ATP6V0A2: variants seen among roughly 807,000 people sequenced by gnomAD.
ATP6V0A2 encodes the protein V-type proton ATPase 116 kDa subunit a 2.
In ATP6V0A2, 58 loss-of-function variants were observed where a neutral mutation model predicts 104.4. The observed-to-expected ratio is 0.56, with a 90% confidence interval of 0.45 to 0.69. The LOEUF is 0.69. Among genes scored for constraint, ATP6V0A2 ranks in the 30% least tolerant of loss-of-function variants. ATP6V0A2 has a pLI of 0.00. For missense variants in ATP6V0A2, 938 were observed against 1,062.9 expected (o/e 0.88, Z 1.63); for synonymous variants, 376 against 397.9 (o/e 0.95, Z 0.65).
chr12:123,738,394 C>CAAA (rs1054215012), intron 9 of ATP6V0A2, among the ~76,000 whole-genome samples: 1 of 127,218 alleles, frequency 7.9e-6, no homozygotes, highest in Non-Finnish European at 1.7e-5. Flanking sequence ...AACTTTGTCT[C>CAAA]AAAAAAAAAA....
chr12:123,732,487 C>G (rs1956510617), intron 6 of ATP6V0A2: 1 of 152,690 alleles, frequency 6.5e-6, no homozygotes, highest in South Asian at 2.1e-4. Flanking sequence ...GCCTGTGGCC[C>G]TCGTCATTCC....
intron 17 of ATP6V0A2, 131 bp from the exon 18 acceptor site, chr12:123,754,289 C>T (rs1593920538): frequency 1.3e-6 from 1 of 752,174 alleles, no homozygotes; most frequent in South Asian, 1.5e-5. Context: ...GTTCCTCACA[C>T]TCTAGCGTGT....
chr12:123,760,391 G>A lies in ATP6V0A2; in HGVS notation c.*2359G>A, dbSNP rs910156976. On this transcript the variant is annotated 3_prime_UTR_variant, in exon 20 of 20. Transcript: ENST00000330342. Reference sequence around the variant, plus strand: ...ATAATAGTGTCTTATAGGGGCCACGGGAATTTGTTTCTCTATAAAGCGATG... The same window carrying A: ...ATAATAGTGTCTTATAGGGGCCACGAGAATTTGTTTCTCTATAAAGCGATG... 6.6e-6 allele frequency: 1 copy of A among 152,136 alleles called. No homozygotes were observed. Among genetic ancestry groups the A allele is most frequent in the African/African-American group, 2.4e-5 (1 of 41,418 alleles). 9.4% of individuals were successfully genotyped at this position (152,136 alleles called of 1,614,324 possible).
chr12:123,737,064 G>A lies in ATP6V0A2; in HGVS notation c.831G>A (p.Leu277=). The part of the protein sequence containing the change: ...NTRIQDLYTV[L]HKTEDYLRQV... Reference sequence around the variant, plus strand: ...CCCCTGTTGTTCTTCCCCAGGTACTGCACAAAACCGAGGACTATTTGAGGC... The same window carrying A: ...CCCCTGTTGTTCTTCCCCAGGTACTACACAAAACCGAGGACTATTTGAGGC... The change falls in exon 9 of 20, where the codon CTG becomes CTA. Residue 277 remains leucine (L), a synonymous_variant. Transcript: ENST00000330342. 6.2e-7 allele frequency: 1 copy of A among 1,614,170 alleles called. No homozygotes were observed. Among genetic ancestry groups the A allele is most frequent in the Non-Finnish European group, 8.5e-7 (1 of 1,180,006 alleles).
chr12:123,721,106 A>G (rs1956394959), intron 2 of ATP6V0A2: 1 of 152,300 alleles, frequency 6.6e-6, no homozygotes, highest in Non-Finnish European at 1.5e-5. Flanking sequence ...TAGCCTAAGG[A>G]AAGGGATGCT....
chr12:123,731,385 T>C (rs1471814769), intron 6 of ATP6V0A2: 1 of 152,262 alleles, frequency 6.6e-6, no homozygotes, highest in African/African-American at 2.4e-5. Flanking sequence ...TTTTAGCCAT[T>C]TTCCCCCATT....
chr12:123,732,021 C>T (rs1464215293), intron 6 of ATP6V0A2: 1 of 152,218 alleles, frequency 6.6e-6, no homozygotes, highest in Non-Finnish European at 1.5e-5. Context: ...CCCCAGAATA[C>T]TAGACTTTTA....
intron 18 of ATP6V0A2, among the ~76,000 whole-genome samples, chr12:123,755,839 T>C (rs568645356): frequency 2.0e-5 from 3 of 152,130 alleles, no homozygotes; most frequent in Non-Finnish European, 2.9e-5. Context: ...TCCCAGCACT[T>C]TGGGAGGCCT....
intron 6 of ATP6V0A2, chr12:123,732,143 C>T (rs1192587773): frequency 6.6e-6 from 1 of 152,330 alleles, no homozygotes; most frequent in Non-Finnish European, 1.5e-5. Context: ...ACCCATTGAT[C>T]TCACTGCGCA....
chr12:123,737,063 TG>T lies in ATP6V0A2; in HGVS notation c.831del (p.His278ThrfsTer7), dbSNP rs769698445. ...NTRIQDLYTV[L>X]HKTEDYLRQV... ...GCCCCTGTTGTTCTTCCCCAGGTAC[TG>T]CACAAAACCGAGGACTATTTGAGGC... On this transcript the variant is annotated frameshift_variant, in exon 9 of 20. Transcript: ENST00000330342. LOFTEE classifies it high-confidence loss of function. 1 of 1,614,208 alleles carries T rather than the reference TG, an allele frequency of 6.2e-7. No homozygotes were observed. Among genetic ancestry groups the T allele is most frequent in the South Asian group, 1.1e-5 (1 of 91,088 alleles).
At position 123,744,257 on chromosome 12, in the gene ATP6V0A2, GGAC is replaced by G; in HGVS notation, c.1247_1249del (p.Gly416_His417delinsAsp). 6.2e-7 allele frequency: 1 copy of G among 1,614,058 alleles called. No individual in the cohort carries two copies. The highest frequency in any genetic ancestry group is 8.5e-7 in the Non-Finnish European group (1 of 1,180,006). The stretch of plus-strand genomic sequence containing the variant: ...ATTTGCTGTGATGTTTGGAGACTTC[GGAC>G]ATGGCTTTGTGATGTTTTTATTTGC... On this transcript the variant is annotated inframe_deletion, in exon 11 of 20. Transcript: ENST00000330342. The surrounding 1 kb of genome is among the most constrained non-coding windows in gnomAD (Gnocchi z 5.4).
chr12:123,734,986 G>A (rs1351306566), intron 7 of ATP6V0A2, among the ~76,000 whole-genome samples: 1 of 152,168 alleles, frequency 6.6e-6, no homozygotes, highest in Non-Finnish European at 1.5e-5. Flanking sequence ...TAAAGGTATG[G>A]TGTTAACATA....
rs1593884438 is a variant in ATP6V0A2 at position 123,718,791 on chromosome 12, A to C, written c.196+90A>C. On this transcript the variant is annotated intron_variant, in intron 2 of 19. Transcript: ENST00000330342. ...TTAAAAATATTGGAAAATATAGACA[A>C]GCAGAAAGGAAAAAAAGAAATTGTA... 6 of 898,990 alleles carry C rather than the reference A, an allele frequency of 6.7e-6. No homozygotes were observed. The East Asian group carries it at 1.3e-4, about 19-fold the overall frequency. 55.7% of individuals were successfully genotyped at this position (898,990 alleles called of 1,614,324 possible). A position where few individuals can be genotyped will look rare whatever the true frequency, so the allele number is the denominator to read the frequency against.
chr12:123,740,222 A>T (rs1956596031), intron 9 of ATP6V0A2, among the ~76,000 whole-genome samples: 11 of 144,130 alleles, frequency 7.6e-5, no homozygotes, highest in Admixed American at 6.3e-4. Flanking sequence ...TTTTTTTTGG[A>T]GATAGAGTCT....
intron 9 of ATP6V0A2, among the ~76,000 whole-genome samples, chr12:123,738,520 C>T (rs1027367704): frequency 7.9e-5 from 12 of 152,168 alleles, no homozygotes; most frequent in Non-Finnish European, 4.4e-5. Flanking sequence ...TGGTCTGTGA[C>T]ACCAGTAAGA....
chr12:123,717,979 C>A (rs1364712265), intron 1 of ATP6V0A2, among the ~76,000 whole-genome samples: 2 of 151,936 alleles, frequency 1.3e-5, no homozygotes, highest in African/African-American at 2.4e-5. Context: ...GGCTGGATTG[C>A]AGTGGTGTGA....
intron 18 of ATP6V0A2, among the ~76,000 whole-genome samples, chr12:123,755,906 C>A (rs957781138): frequency 1.3e-5 from 2 of 151,622 alleles, no homozygotes; most frequent in Non-Finnish European, 2.9e-5. Context: ...CACGTGAAAC[C>A]CTGTCTCTAC....
chr12:123,745,085 A>C (rs1956648364), intron 13 of ATP6V0A2, 113 bp downstream of exon 13: 1 of 1,076,882 alleles, frequency 9.3e-7, no homozygotes, highest in Non-Finnish European at 1.4e-6. Context: ...CCTGAGCGGG[A>C]GGTGCTCATT....
intron 9 of ATP6V0A2, among the ~76,000 whole-genome samples, chr12:123,741,815 A>G (rs987958966): frequency 7.2e-5 from 11 of 152,216 alleles, no homozygotes; most frequent in Admixed American, 4.6e-4. Context: ...GTATATTTAC[A>G]TGAAAATAGT....
Sources: gnomAD v4.1 joint callset for allele counts (sites outside exome capture counted in the v4.1 genomes callset) on GRCh38, gnomAD v4.1.1 for gene constraint, Gnocchi (gnomAD v3.1) non-coding constraint, MANE v1.5 for transcripts, NCBI Gene and HGNC (gene_info 2026-07-23, HGNC 2026-07-21) for gene names.